Variants in PHLDB1 observed in about 807,000 individuals in gnomAD.
The protein encoded by PHLDB1 is pleckstrin homology-like domain family B member 1.
Under a neutral mutation model 139.3 loss-of-function variants are expected in PHLDB1, and 65 were observed. That is an observed-to-expected ratio of 0.47 (90% CI 0.38 to 0.57). The LOEUF is 0.57. PHLDB1 is among the 20% of genes least tolerant of loss of function. The pLI is 0.00. For synonymous variants in PHLDB1, 679 were observed against 734.5 expected (o/e 0.92, Z 1.22); for missense variants, 1,624 against 1,839.7 (o/e 0.88, Z 2.14).
chr11:118,616,233 T>C (rs781970100), intron 4 of PHLDB1, 22 bp downstream of exon 4: 7 of 1,609,494 alleles, frequency 4.3e-6, no homozygotes, highest in Admixed American at 1.7e-5. Context: ...CACCTCCAGA[T>C]GGAGGGGGCC....
In PHLDB1 at chr11:118,639,329, C is replaced by T. The variant is rs1010246734; in HGVS notation, c.2736+78C>T. 6.0e-6 allele frequency: 6 copies of T among 1,004,856 alleles called. No individual in the cohort carries two copies. The East Asian group carries it at 1.2e-4, about 20-fold the overall frequency. 62.2% of individuals were successfully genotyped at this position (1,004,856 alleles called of 1,614,324 possible). On this transcript the variant is annotated intron_variant, in intron 12 of 22. Coordinates refer to ENST00000600882, the MANE Select transcript of PHLDB1 (RefSeq NM_001144758.3). ...CTCTGAGTAACACATGGCACTTTCA[C>T]CCCAGTAGCTGAGGTTGTGTGGGGG...
Position 118,627,767 on chromosome 11 carries a change from G to T in PHLDB1, c.944G>T (p.Arg315Met). Residue 315 changes from arginine (R) to methionine (M), a missense_variant, in exon 6 of 23, where the codon AGG (arginine) becomes ATG (methionine). Physicochemically the swap from Arg to Met is moderately conservative, Grantham distance 91 (BLOSUM62 -1). Coordinates refer to ENST00000600882, the MANE Select transcript of PHLDB1 (RefSeq NM_001144758.3). ...GARSESPRLS[R>M]KGGHERPPSP... ...CGCTCCGAGAGTCCTCGGCTGAGCA[G>T]GAAAGGGGGCCATGAGAGGCCTCCC... The T allele has an allele frequency of 6.2e-7, 1 of 1,607,008 alleles. No homozygotes were observed.
In PHLDB1 at chr11:118,629,100, G is replaced by A. The variant is rs563819841; in HGVS notation, c.1827+450G>A. 3.3e-5 allele frequency among the ~76,000 whole-genome samples: 5 copies of A among 152,322 alleles called. No individual in the cohort carries two copies. In the South Asian group the frequency reaches 1.0e-3, roughly 32 times the overall value. On this transcript the variant is annotated intron_variant, in intron 6 of 22. Coordinates refer to ENST00000600882, the MANE Select transcript of PHLDB1 (RefSeq NM_001144758.3). ...TGGCAGAGCTAGAATTGGAACCCAGGTCCCCTGTCTGACTCTTTCTGAGAC... is the reference window on the plus strand; with the variant it reads ...TGGCAGAGCTAGAATTGGAACCCAGATCCCCTGTCTGACTCTTTCTGAGAC...
At chr11:118,644,761 C>A in intron 15 of PHLDB1, 2 of 1,049,820 alleles carry the variant, frequency 1.9e-6, no homozygotes, top group Non-Finnish European at 2.6e-6. Context: ...CATGATGTGT[C>A]CTGCCCAGGT....
chr11:118,608,526 G>C lies in PHLDB1; in HGVS notation c.-22+827G>C, dbSNP rs1380865953. 6.6e-6 allele frequency among the ~76,000 whole-genome samples: 1 copy of C among 152,142 alleles called. No individual in the cohort carries two copies. The highest frequency in any genetic ancestry group is 2.4e-5 in the African/African-American group (1 of 41,446). On this transcript the variant is annotated intron_variant, in intron 1 of 22. Transcript: ENST00000600882. The surrounding 1 kb of genome is among the most constrained non-coding windows in gnomAD (Gnocchi z 6.7). ...CAGGCTCGAGTGGGGACTTGGCCGG[G>C]CGACCGCACAGCCCTGCCGGGGACC...
intron 4 of PHLDB1, among the ~76,000 whole-genome samples, chr11:118,623,910 G>A (rs979267506): frequency 6.6e-6 from 1 of 151,456 alleles, no homozygotes; most frequent in African/African-American, 2.4e-5. Context: ...GTGTGTGTGT[G>A]TGTGTGTGAG....
intron 21 of PHLDB1, 42 bp downstream of exon 21, chr11:118,655,732 C>A: frequency 6.5e-7 from 1 of 1,542,506 alleles, no homozygotes; most frequent in Non-Finnish European, 9.0e-7. Flanking sequence ...GAGGGACAGC[C>A]ATGGGGAAGG....
At chr11:118,643,535 C>T (rs1591703174) in intron 13 of PHLDB1, 2 of 985,432 alleles carry the variant, frequency 2.0e-6, no homozygotes, top group Non-Finnish European at 2.4e-6. Context: ...GACATTAAAT[C>T]CTTGCATGGG....
intron 1 of PHLDB1, among the ~76,000 whole-genome samples, chr11:118,609,096 G>A (rs1387187972): frequency 6.1e-5 from 8 of 131,378 alleles, no homozygotes; most frequent in African/African-American, 2.4e-4. Context: ...CAGTTACACA[G>A]CCCAGCTCAT....
chr11:118,623,774 C>T (rs555206138), intron 4 of PHLDB1, among the ~76,000 whole-genome samples: 9 of 152,240 alleles, frequency 5.9e-5, no homozygotes, highest in South Asian at 2.1e-4. Flanking sequence ...GTTGCTGCCT[C>T]TCAGACTGAC....
At chr11:118,615,917 T>C (rs1941542510) in intron 3 of PHLDB1, 124 bp from the exon 4 acceptor site, 6 of 770,208 alleles carry the variant, frequency 7.8e-6, no homozygotes. Context: ...GGGTGGCCAG[T>C]GGTGGGCAGA....
At position 118,607,680 on chromosome 11, in the gene PHLDB1, T is replaced by TG. The variant is rs1939389610; in HGVS notation, c.-40dup. 8.5e-6 allele frequency: 1 copy of TG among 118,228 alleles called. No individual in the cohort carries two copies. The highest frequency in any genetic ancestry group is 1.7e-5 in the Non-Finnish European group (1 of 57,340). The allele number at this position is 118,228 out of a possible 1,614,324, so 7.3% of individuals were successfully genotyped here. A position where few individuals can be genotyped will look rare whatever the true frequency, so the allele number is the denominator to read the frequency against. On this transcript the variant is annotated 5_prime_UTR_variant, in exon 1 of 23. Coordinates refer to ENST00000600882, the MANE Select transcript of PHLDB1 (RefSeq NM_001144758.3). ...CCAGGCTAAGGGACCAGTGTCTCCC[T>TG]GCCCCCCCCCCACCTCTAGGTAAGA...
intron 9 of PHLDB1, 156 bp from the exon 10 acceptor site, chr11:118,635,237 G>T: frequency 2.3e-6 from 2 of 888,650 alleles, no homozygotes; most frequent in Non-Finnish European, 3.5e-6. Context: ...CCGCAAAAGG[G>T]CAAGGCCAAG....
chr11:118,655,551 G>A, intron 20 of PHLDB1, 54 bp from the exon 21 acceptor site: 1 of 1,118,800 alleles, frequency 8.9e-7, no homozygotes. Context: ...CACGTAAATG[G>A]AGCTAGACCT....
chr11:118,607,401 AGCT>A (rs1939364421), upstream of PHLDB1, among the ~76,000 whole-genome samples: 1 of 125,672 alleles, frequency 8.0e-6, no homozygotes, highest in African/African-American at 3.1e-5. Context: ...TGGAGAGCCC[AGCT>A]GCAAAGATGA....
rs924582408 is a variant in PHLDB1 at position 118,615,892 on chromosome 11, T to C, written c.185-149T>C. Reference sequence around the variant, plus strand: ...CCATCACTTACTGTATAGACCAGGCTCAGGGGCCTAGTAGGGGTGGCCAGT... The same window carrying C: ...CCATCACTTACTGTATAGACCAGGCCCAGGGGCCTAGTAGGGGTGGCCAGT... On this transcript the variant is annotated intron_variant, in intron 3 of 22. Coordinates refer to ENST00000600882, the MANE Select transcript of PHLDB1 (RefSeq NM_001144758.3). 5 of 648,752 alleles carry C rather than the reference T, an allele frequency of 7.7e-6. No homozygotes were observed. The South Asian group carries it at 9.4e-5, about 12-fold the overall frequency. The allele number at this position is 648,752 out of a possible 1,614,324, so 40.2% of individuals were successfully genotyped here.
chr11:118,650,690 A>G lies in PHLDB1; in HGVS notation c.3874+143A>G, dbSNP rs1591773178. 2 of 621,546 alleles carry G rather than the reference A, an allele frequency of 3.2e-6. No homozygotes were observed. Among genetic ancestry groups the G allele is most frequent in the African/African-American group, 3.7e-5 (2 of 54,394 alleles). The allele number at this position is 621,546 out of a possible 1,614,324, so 38.5% of individuals were successfully genotyped here. On this transcript the variant is annotated intron_variant, in intron 20 of 22. Coordinates refer to ENST00000600882, the MANE Select transcript of PHLDB1 (RefSeq NM_001144758.3). This position sits in a 1 kb window ranked among gnomAD's most constrained non-coding sequence, Gnocchi z 4.7. ...TAGGCTTTGCCCTCCTTCCCTGAAA[A>G]TGTACACAATGTACCTGGTTCACCT...
In PHLDB1 at chr11:118,632,541, G is replaced by A; in HGVS notation, c.2379+245G>A. 2 of 556,372 alleles carry A rather than the reference G, an allele frequency of 3.6e-6. No homozygotes were observed. The highest frequency in any genetic ancestry group is 4.6e-5 in the South Asian group (2 of 43,574). 34.5% of individuals were successfully genotyped at this position (556,372 alleles called of 1,614,324 possible). A position where few individuals can be genotyped will look rare whatever the true frequency, so the allele number is the denominator to read the frequency against. ...GTCTGGGTCTGTGTGCTACCTCTGGGTGCCTGCCATCCTAGGCCCTTTATG... is the reference window on the plus strand; with the variant it reads ...GTCTGGGTCTGTGTGCTACCTCTGGATGCCTGCCATCCTAGGCCCTTTATG... On this transcript the variant is annotated intron_variant, in intron 9 of 22. Coordinates refer to ENST00000600882, the MANE Select transcript of PHLDB1 (RefSeq NM_001144758.3). This position sits in a 1 kb window ranked among gnomAD's most constrained non-coding sequence, Gnocchi z 5.9.
In PHLDB1 at chr11:118,655,637, T is replaced by G; in HGVS notation, c.3907T>G (p.Tyr1303Asp). ...KHETKLKGVI[Y>D]FQAIEEVYYD... ...TGAGACGAAGCTGAAGGGAGTCATCTATTTCCAGGCCATTGAGGAAGTGTA... is the reference window on the plus strand; with the variant it reads ...TGAGACGAAGCTGAAGGGAGTCATCGATTTCCAGGCCATTGAGGAAGTGTA... The change falls in exon 21 of 23, where the codon TAT becomes GAT. Residue 1303 changes from tyrosine (Y) to aspartate (D), a missense_variant. Physicochemically the swap from Tyr to Asp is radical, Grantham distance 160 (BLOSUM62 -3). Transcript: ENST00000600882. The G allele has an allele frequency of 6.2e-7, 1 of 1,613,650 alleles. No individual in the cohort carries two copies. Among genetic ancestry groups the G allele is most frequent in the Non-Finnish European group, 8.5e-7 (1 of 1,179,652 alleles).
Sources: allele counts gnomAD v4.1 joint callset (sites outside exome capture counted in the v4.1 genomes callset), GRCh38; gene constraint gnomAD v4.1.1; non-coding constraint Gnocchi (gnomAD v3.1); transcripts MANE v1.5; gene names NCBI Gene and HGNC (gene_info 2026-07-23, HGNC 2026-07-21).